The following RPH3A variants were observed in gnomAD, a reference collection of about 807,000 sequenced individuals.
RPH3A encodes rabphilin-3A.
In RPH3A, 48 loss-of-function variants were observed where a neutral mutation model predicts 102.2. That is an observed-to-expected ratio of 0.47 (90% confidence interval 0.37 to 0.60). RPH3A has a LOEUF of 0.60. Ranked by LOEUF, RPH3A falls within the 20% of genes least tolerant of loss-of-function variation. The probability of loss-of-function intolerance (pLI) is 0.00; values close to 1 mark genes in which losing one functional copy is unlikely to be tolerated. For missense variants in RPH3A, 781 were observed against 910.1 expected (o/e 0.86, Z 1.83); for synonymous variants, 310 against 324.3 (o/e 0.96, Z 0.47).
chr12:112,797,434 G>C (rs1214551928), intron 2 of RPH3A, among the ~76,000 whole-genome samples: 1 of 152,128 alleles, frequency 6.6e-6, no homozygotes, highest in Non-Finnish European at 1.5e-5. Context: ...CATTCTGTTG[G>C]GGGGTAAAAA....
chr12:112,868,486 A>G lies in RPH3A; in HGVS notation c.501A>G (p.Pro167=). 1 of 1,614,170 alleles carries G rather than the reference A, an allele frequency of 6.2e-7. No homozygotes were observed. Among genetic ancestry groups the G allele is most frequent in the Non-Finnish European group, 8.5e-7 (1 of 1,180,018 alleles). ...AAGGCTTCCCCAAACAGGTCCTCCC[A>G]CAGCCTATGCCTATAAAGAAGACCA... is the stretch of plus-strand genomic sequence containing the variant. ...FFKGFPKQVL[P]QPMPIKKTKP... Residue 167 remains proline (P), a synonymous_variant, in exon 8 of 22, where the codon CCA becomes CCG. Coordinates refer to ENST00000389385, the MANE Select transcript of RPH3A (RefSeq NM_001143854.2).
At chr12:112,702,691 C>G (rs2040402687) in intron 1 of RPH3A, among the ~76,000 whole-genome samples, 1 of 152,202 alleles carries the variant, frequency 6.6e-6, no homozygotes, top group Non-Finnish European at 1.5e-5. Flanking sequence ...CTGGGCCCCA[C>G]TTGTAGGAGC....
At chr12:112,821,882 T>G (rs1178904428) in intron 2 of RPH3A, among the ~76,000 whole-genome samples, 1 of 152,202 alleles carries the variant, frequency 6.6e-6, no homozygotes, top group Non-Finnish European at 1.5e-5. Context: ...CCATAAATAT[T>G]TTTTAATTCT....
intron 14 of RPH3A, 51 bp downstream of exon 14, chr12:112,879,249 T>A: frequency 1.3e-6 from 2 of 1,496,740 alleles, no homozygotes; most frequent in Non-Finnish European, 9.3e-7. Context: ...CTGGCATGGC[T>A]AGGAGACTCA....
intron 1 of RPH3A, among the ~76,000 whole-genome samples, chr12:112,610,892 T>C (rs1439736415): frequency 1.3e-5 from 2 of 152,190 alleles, no homozygotes; most frequent in African/African-American, 4.8e-5. Context: ...CACCTTGGCC[T>C]CCCAAACTGC....
intron 1 of RPH3A, among the ~76,000 whole-genome samples, chr12:112,773,847 G>A (rs1178273486): frequency 3.3e-5 from 5 of 151,998 alleles, no homozygotes; most frequent in Admixed American, 2.6e-4. Flanking sequence ...TTGGGAGGCC[G>A]AGGCAGGCGG....
At chr12:112,844,996 G>C (rs2042205965) in intron 4 of RPH3A, among the ~76,000 whole-genome samples, 1 of 152,230 alleles carries the variant, frequency 6.6e-6, no homozygotes, top group Non-Finnish European at 1.5e-5. Context: ...GCCTCTCCAT[G>C]GGGCTGTTTG....
intron 1 of RPH3A, among the ~76,000 whole-genome samples, chr12:112,622,702 A>G (rs1592912687): frequency 1.3e-5 from 2 of 148,508 alleles, no homozygotes; most frequent in Non-Finnish European, 1.5e-5. Context: ...CAGGAAATAC[A>G]GAGAATGCCA....
chr12:112,632,449 CCTTT>C (rs1474157440), intron 1 of RPH3A, among the ~76,000 whole-genome samples: 10 of 152,108 alleles, frequency 6.6e-5, no homozygotes, highest in African/African-American at 2.4e-4. Context: ...AATTTCTCAC[CCTTT>C]CTGATACCAA....
intron 12 of RPH3A, 36 bp downstream of exon 12, chr12:112,875,777 G>A (rs2042788074): frequency 1.3e-6 from 2 of 1,597,952 alleles, no homozygotes; most frequent in East Asian, 2.2e-5. Context: ...TGCCCAAGTG[G>A]CCACCTCTCC....
At chr12:112,677,747 C>T (rs1166028877) in intron 1 of RPH3A, among the ~76,000 whole-genome samples, 2 of 152,034 alleles carry the variant, frequency 1.3e-5, no homozygotes, top group South Asian at 4.1e-4. Flanking sequence ...AGGCACACAG[C>T]CCAGAGCTTG....
intron 8 of RPH3A, 25 bp from the exon 9 acceptor site, chr12:112,869,734 C>T: frequency 6.2e-7 from 1 of 1,613,780 alleles, no homozygotes; most frequent in Non-Finnish European, 8.5e-7. Context: ...CAGTACTCCT[C>T]ATAATTTGTG....
chr12:112,590,680 T>C (rs897369526), intron 1 of RPH3A, among the ~76,000 whole-genome samples: 27 of 152,262 alleles, frequency 1.8e-4, no homozygotes, highest in Admixed American at 1.8e-3. Context: ...GTGTTTGAAA[T>C]AATTTTATTT....
intron 2 of RPH3A, among the ~76,000 whole-genome samples, chr12:112,802,607 G>A (rs1034300685): frequency 1.3e-5 from 2 of 152,108 alleles, no homozygotes; most frequent in African/African-American, 4.8e-5. Flanking sequence ...GCATGTGTGT[G>A]TGAGTGGTGT....
At chr12:112,630,922 A>G (rs1277549790) in intron 1 of RPH3A, among the ~76,000 whole-genome samples, 1 of 152,098 alleles carries the variant, frequency 6.6e-6, no homozygotes, top group Non-Finnish European at 1.5e-5. Context: ...GGGGTGGGAG[A>G]TGATGGCTAA....
chr12:112,729,142 C>T (rs1484821956), intron 1 of RPH3A, among the ~76,000 whole-genome samples: 1 of 143,730 alleles, frequency 7.0e-6, no homozygotes, highest in Non-Finnish European at 1.5e-5. Flanking sequence ...ACAAAGGGAA[C>T]TTTTTTTTTT....
intron 1 of RPH3A, among the ~76,000 whole-genome samples, chr12:112,723,900 A>G (rs1189325659): frequency 6.6e-6 from 1 of 152,178 alleles, no homozygotes; most frequent in Non-Finnish European, 1.5e-5. Context: ...CCATGTATGC[A>G]TTGTAAGTAT....
At chr12:112,832,374 C>A (rs1174265743) in intron 3 of RPH3A, among the ~76,000 whole-genome samples, 1 of 152,122 alleles carries the variant, frequency 6.6e-6, no homozygotes, top group African/African-American at 2.4e-5. Context: ...TGCTTGTTTT[C>A]AATCCAAATT....
At chr12:112,672,952 G>A (rs1336025137) in intron 1 of RPH3A, among the ~76,000 whole-genome samples, 1 of 152,042 alleles carries the variant, frequency 6.6e-6, no homozygotes, top group Non-Finnish European at 1.5e-5. Context: ...AATACTGATG[G>A]GGAGTTAATA....
Sources: allele counts gnomAD v4.1 joint callset (sites outside exome capture counted in the v4.1 genomes callset), GRCh38; gene constraint gnomAD v4.1.1; transcripts MANE v1.5; gene names NCBI Gene and HGNC (gene_info 2026-07-23, HGNC 2026-07-21).